The following LTBP1 variants were observed in gnomAD, a reference collection of about 807,000 sequenced individuals.
LTBP1 encodes the protein latent-transforming growth factor beta-binding protein 1.
LTBP1 carries 129 observed loss-of-function variants against 207.6 expected under a neutral mutation model. The observed-to-expected ratio is 0.62, with a 90% CI of 0.54 to 0.72. The LOEUF (loss-of-function observed/expected upper bound fraction) is 0.72, where lower values mean the gene tolerates loss of function less well. LTBP1 is among the 30% of genes least tolerant of loss of function. LTBP1 has a pLI of 0.00. For synonymous variants in LTBP1, 963 were observed against 833.7 expected, an observed-to-expected ratio of 1.16 and a Z score of -2.67; for missense variants, 2,281 against 2,217.2, an observed-to-expected ratio of 1.03 and a Z score of -0.58.
At chr2:33,362,869 G>C (rs1183149450) in intron 28 of LTBP1, among the ~76,000 whole-genome samples, 1 of 152,054 alleles carries the variant, frequency 6.6e-6, no homozygotes, top group African/African-American at 2.4e-5. Context: ...ATTTATCATT[G>C]AGTAAACTGA....
intron 3 of LTBP1, among the ~76,000 whole-genome samples, chr2:33,109,766 A>G (rs1226105713): frequency 6.6e-6 from 1 of 152,256 alleles, no homozygotes; most frequent in Non-Finnish European, 1.5e-5. Flanking sequence ...TCAAAAGGAA[A>G]TTAACATTAT....
At chr2:33,083,215 A>G (rs571056720) in intron 3 of LTBP1, among the ~76,000 whole-genome samples, 1 of 151,992 alleles carries the variant, frequency 6.6e-6, no homozygotes, top group African/African-American at 2.4e-5. Flanking sequence ...CTTAGTCAGG[A>G]TCATTTGTAG....
chr2:33,358,092 A>G (rs999432553), intron 26 of LTBP1, among the ~76,000 whole-genome samples: 1 of 152,196 alleles, frequency 6.6e-6, no homozygotes, highest in Non-Finnish European at 1.5e-5. Context: ...ACCTTTGTGG[A>G]CTAGTTTTTA....
intron 30 of LTBP1, 118 bp downstream of exon 30, chr2:33,364,474 C>T (rs2094961067): frequency 1.0e-6 from 1 of 998,664 alleles, no homozygotes; most frequent in African/African-American, 1.6e-5. Flanking sequence ...TTTGAAATAA[C>T]TAAAATGAGA....
chr2:33,189,079 G>A (rs192813980), intron 7 of LTBP1, among the ~76,000 whole-genome samples: 3 of 152,308 alleles, frequency 2.0e-5, no homozygotes, highest in Non-Finnish European at 4.4e-5. Flanking sequence ...GAATTAAATA[G>A]TCCAGTGAGA....
intron 2 of LTBP1, among the ~76,000 whole-genome samples, chr2:32,988,298 G>T (rs1332333478): frequency 2.0e-5 from 3 of 152,188 alleles, no homozygotes; most frequent in Non-Finnish European, 4.4e-5. Flanking sequence ...GTGGACCTTT[G>T]TTATTTGCTT....
chr2:33,169,643 T>C (rs1214305840), intron 5 of LTBP1, among the ~76,000 whole-genome samples: 1 of 152,158 alleles, frequency 6.6e-6, no homozygotes, highest in Non-Finnish European at 1.5e-5. Context: ...TAAACTTAAT[T>C]ATAGAAAAGC....
intron 1 of LTBP1, among the ~76,000 whole-genome samples, chr2:32,948,083 G>C (rs960060623): frequency 6.7e-6 from 1 of 150,350 alleles, no homozygotes; most frequent in Non-Finnish European, 1.5e-5. Flanking sequence ...TGCCTGGGGC[G>C]TAACCTTCTG....
At chr2:32,989,460 G>C (rs1197842856) in intron 2 of LTBP1, among the ~76,000 whole-genome samples, 1 of 152,196 alleles carries the variant, frequency 6.6e-6, no homozygotes, top group Non-Finnish European at 1.5e-5. Context: ...ACTTGGAAGG[G>C]TGAGTTAGAC....
intron 3 of LTBP1, among the ~76,000 whole-genome samples, chr2:33,108,106 A>C (rs1483835103): frequency 6.6e-6 from 1 of 152,228 alleles, no homozygotes; most frequent in Non-Finnish European, 1.5e-5. Context: ...ACGAAGGAGA[A>C]AGTGAGGAAG....
chr2:33,122,510 C>T (rs2081196062), intron 4 of LTBP1, among the ~76,000 whole-genome samples: 1 of 152,334 alleles, frequency 6.6e-6, no homozygotes, highest in South Asian at 2.1e-4. Context: ...CTGGCAGAGG[C>T]ACTTTCCCAA....
intron 3 of LTBP1, among the ~76,000 whole-genome samples, chr2:33,093,240 A>G (rs2079201688): frequency 6.6e-6 from 1 of 152,254 alleles, no homozygotes. Flanking sequence ...ATAAGTGAGT[A>G]AAATAAAATA....
At position 33,378,289 on chromosome 2, in the gene LTBP1, G is replaced by A. The variant is rs906921293; in HGVS notation, c.4712-10895G>A. Among the ~76,000 whole-genome samples the A allele has an allele frequency of 5.3e-5, 8 of 151,050 alleles. No individual in the cohort carries two copies. In the East Asian group the frequency reaches 1.2e-3, roughly 22 times the overall value. On this transcript the variant is annotated intron_variant, in intron 31 of 33. Coordinates refer to ENST00000404816, the MANE Select transcript of LTBP1 (RefSeq NM_206943.4). ...TGCCCAGGCTGGAGTGCACTGGCAC[G>A]ATCTCGGCTCACTGAAACTTCTGCC... is the stretch of plus-strand genomic sequence containing the variant.
In LTBP1 at chr2:33,182,125, GT is replaced by G. The variant is rs753472274; in HGVS notation, c.1202-4729del. Among the ~76,000 whole-genome samples the G allele has an allele frequency of 1.2e-4, 19 of 152,058 alleles. 1 individual carries two copies. Among genetic ancestry groups the G allele is most frequent in the Admixed American group, 4.6e-4 (7 of 15,252 alleles). On this transcript the variant is annotated intron_variant, in intron 5 of 33. Transcript: ENST00000404816. ...GGTTATAAATACTGGACTTTTATTGGTTGAAATAAGTCAAGCAGAAACCATT... is the reference window on the plus strand; with the variant it reads ...GGTTATAAATACTGGACTTTTATTGGTGAAATAAGTCAAGCAGAAACCATT...
At chr2:33,220,780 GGGA>G (rs2091051501) in intron 8 of LTBP1, among the ~76,000 whole-genome samples, 1 of 152,250 alleles carries the variant, frequency 6.6e-6, no homozygotes, top group South Asian at 2.1e-4. Flanking sequence ...GCTGAATGGA[GGGA>G]CTCCCACACG....
At chr2:33,073,930 T>G (rs2077938893) in intron 3 of LTBP1, among the ~76,000 whole-genome samples, 1 of 152,158 alleles carries the variant, frequency 6.6e-6, no homozygotes, top group African/African-American at 2.4e-5. Flanking sequence ...AGTTTCCCAT[T>G]TTTGCTGAGT....
chr2:33,249,734 C>T (rs2092628037), intron 10 of LTBP1, among the ~76,000 whole-genome samples: 1 of 152,150 alleles, frequency 6.6e-6, no homozygotes, highest in Admixed American at 6.5e-5. Context: ...GATAAAGTAT[C>T]AGAATCTTTT....
chr2:33,135,124 A>G (rs2082038004), intron 5 of LTBP1, among the ~76,000 whole-genome samples, 164 bp downstream of exon 5: 2 of 152,178 alleles, frequency 1.3e-5, no homozygotes, highest in African/African-American at 4.8e-5. Flanking sequence ...CTTTTGGAAT[A>G]ATTTTTAACC....
At chr2:33,290,146 A>G (rs1393850410) in intron 19 of LTBP1, among the ~76,000 whole-genome samples, 2 of 152,150 alleles carry the variant, frequency 1.3e-5, no homozygotes, top group African/African-American at 4.8e-5. Context: ...CTTTATAACA[A>G]TCCACTCTCT....
Sources: gnomAD v4.1 joint callset for allele counts (sites outside exome capture counted in the v4.1 genomes callset) on GRCh38, gnomAD v4.1.1 for gene constraint, MANE v1.5 for transcripts, NCBI Gene and HGNC (gene_info 2026-07-23, HGNC 2026-07-21) for gene names.